Variants in AUTS2 observed in about 807,000 individuals in gnomAD.
AUTS2 encodes the protein activator of transcription and developmental regulator AUTS2.
A neutral mutation model predicts 112.4 loss-of-function variants in AUTS2; 17 were observed. The ratio of observed to expected loss-of-function variants is 0.15; its 90% confidence interval spans 0.10 to 0.23. The LOEUF is 0.23. Ranked by LOEUF, AUTS2 falls within the 10% of genes least tolerant of loss-of-function variation. The pLI, the probability that AUTS2 is intolerant of heterozygous loss-of-function variation, is 1.00. For synonymous variants in AUTS2, 751 were observed against 702.7 expected, an observed-to-expected ratio of 1.07 and a Z score of -1.09; for missense variants, 1,510 against 1,701.6, an observed-to-expected ratio of 0.89 and a Z score of 1.98.
At chr7:69,899,584 G>T in intron 2 of AUTS2, 86 bp downstream of exon 2, 1 of 1,279,956 alleles carries the variant, frequency 7.8e-7, no homozygotes, top group Non-Finnish European at 1.1e-6. Context: ...CGTAACAGGT[G>T]GAGAAGATAT....
chr7:69,635,001 AT>A (rs35177065), intron 1 of AUTS2, among the ~76,000 whole-genome samples: 16 of 149,320 alleles, frequency 1.1e-4, no homozygotes, highest in South Asian at 2.1e-4. Context: ...GCTCCTTGTA[AT>A]TTTTTTTTTT....
chr7:70,431,133 G>T (rs987319014), intron 4 of AUTS2, among the ~76,000 whole-genome samples: 1 of 152,064 alleles, frequency 6.6e-6, no homozygotes, highest in Admixed American at 6.6e-5. Context: ...CACCGCGCCC[G>T]GCCGTGTCGC....
At chr7:69,679,553 G>A (rs969585069) in intron 1 of AUTS2, among the ~76,000 whole-genome samples, 2 of 152,036 alleles carry the variant, frequency 1.3e-5, no homozygotes, top group Non-Finnish European at 2.9e-5. Flanking sequence ...TAGATTGTTC[G>A]GCAGACATTT....
intron 4 of AUTS2, among the ~76,000 whole-genome samples, chr7:70,268,874 T>C (rs1413011961): frequency 6.6e-6 from 1 of 152,190 alleles, no homozygotes; most frequent in African/African-American, 2.4e-5. Flanking sequence ...AAGAGTATAC[T>C]GAATATAAAA....
chr7:70,778,021 G>A (rs989440034), intron 14 of AUTS2, among the ~76,000 whole-genome samples: 2 of 152,202 alleles, frequency 1.3e-5, no homozygotes, highest in Admixed American at 1.3e-4. Context: ...AATACAGTCA[G>A]TACTTGCAGG....
intron 4 of AUTS2, among the ~76,000 whole-genome samples, chr7:70,137,524 T>G (rs1712953145): frequency 6.6e-6 from 1 of 152,094 alleles, no homozygotes; most frequent in African/African-American, 2.4e-5. Context: ...TTTAAACGTT[T>G]TAGGCTGTAT....
chr7:70,668,416 C>T (rs1807459533), intron 5 of AUTS2, among the ~76,000 whole-genome samples: 1 of 152,184 alleles, frequency 6.6e-6, no homozygotes, highest in Admixed American at 6.5e-5. Context: ...TGTGAAAGAC[C>T]CCCAAATTGC....
intron 1 of AUTS2, among the ~76,000 whole-genome samples, chr7:69,788,087 A>G (rs144022477): frequency 8.5e-4 from 130 of 152,238 alleles, no homozygotes; most frequent in Non-Finnish European, 1.5e-3. Flanking sequence ...TGCCAGAAAA[A>G]TATCGTAAAA....
intron 5 of AUTS2, among the ~76,000 whole-genome samples, chr7:70,440,226 TA>T (rs768717430): frequency 0.016 from 1,494 of 92,810 alleles, 16 homozygotes; most frequent in African/African-American, 0.039. Context: ...GCCCTGTCTC[TA>T]AAAAAAAAAA....
intron 1 of AUTS2, among the ~76,000 whole-genome samples, chr7:69,681,083 G>T (rs1226005739): frequency 6.6e-6 from 1 of 152,214 alleles, no homozygotes; most frequent in African/African-American, 2.4e-5. Flanking sequence ...CCATATGACA[G>T]AATTTTCTTT....
chr7:69,645,842 A>G lies in AUTS2; in HGVS notation c.309+45880A>G, dbSNP rs1190750407. On this transcript the variant is annotated intron_variant, in intron 1 of 18. Transcript: ENST00000342771. ...TAGGGCCTATAAAAAACACATTTAC[A>G]TCTCTGAATGGCAACAGATAAATAC... 2.6e-5 allele frequency among the ~76,000 whole-genome samples: 4 copies of G among 152,196 alleles called. No homozygotes were observed. In the East Asian group the frequency reaches 7.8e-4, roughly 29 times the overall value.
intron 1 of AUTS2, among the ~76,000 whole-genome samples, chr7:69,838,646 A>T (rs865849634): frequency 6.6e-6 from 1 of 152,150 alleles, no homozygotes; most frequent in Non-Finnish European, 1.5e-5. Flanking sequence ...TGGCTGAACT[A>T]TATTTGTTAT....
chr7:70,360,224 C>G (rs1214889591), intron 4 of AUTS2, among the ~76,000 whole-genome samples: 1 of 152,146 alleles, frequency 6.6e-6, no homozygotes, highest in African/African-American at 2.4e-5. Context: ...ACCTCCTGGG[C>G]TCAGGCAATC....
At chr7:69,765,503 G>C (rs1226615684) in intron 1 of AUTS2, among the ~76,000 whole-genome samples, 2 of 152,150 alleles carry the variant, frequency 1.3e-5, no homozygotes, top group Non-Finnish European at 2.9e-5. Context: ...TTGTTAAAGA[G>C]TCAGGGTCTC....
At chr7:69,805,446 C>T (rs1339103839) in intron 1 of AUTS2, among the ~76,000 whole-genome samples, 1 of 151,822 alleles carries the variant, frequency 6.6e-6, no homozygotes, top group Non-Finnish European at 1.5e-5. Context: ...AAAAAAATTC[C>T]AATGAAGAAT....
At chr7:69,839,808 T>C (rs1395100112) in intron 1 of AUTS2, among the ~76,000 whole-genome samples, 1 of 152,056 alleles carries the variant, frequency 6.6e-6, no homozygotes, top group East Asian at 1.9e-4. Context: ...GTTGTTGTTG[T>C]CGTGTTTTGT....
intron 2 of AUTS2, 69 bp from the exon 3 acceptor site, chr7:70,118,063 G>T: frequency 6.6e-7 from 1 of 1,506,318 alleles, no homozygotes; most frequent in Non-Finnish European, 8.8e-7. Flanking sequence ...CTCTTGACAA[G>T]GATCAAAAAC....
intron 5 of AUTS2, among the ~76,000 whole-genome samples, chr7:70,549,192 C>T (rs2129517914): frequency 6.6e-6 from 1 of 152,194 alleles, no homozygotes; most frequent in African/African-American, 2.4e-5. Context: ...TATATAAAAA[C>T]ATTGATTTTC....
At chr7:69,760,470 A>T (rs1415139214) in intron 1 of AUTS2, among the ~76,000 whole-genome samples, 1 of 152,058 alleles carries the variant, frequency 6.6e-6, no homozygotes, top group Non-Finnish European at 1.5e-5. Context: ...TTCTAGAGAG[A>T]CTAAAATTAG....
Sources: gnomAD v4.1 joint callset for allele counts (sites outside exome capture counted in the v4.1 genomes callset) on GRCh38, gnomAD v4.1.1 for gene constraint, MANE v1.5 for transcripts, NCBI Gene and HGNC (gene_info 2026-07-23, HGNC 2026-07-21) for gene names.